FAT3: variants seen among roughly 807,000 people sequenced by gnomAD.
The protein encoded by FAT3 is protocadherin Fat 3.
FAT3 carries 95 observed loss-of-function variants against 310.2 expected under a neutral mutation model. That is an observed-to-expected ratio of 0.31 (90% CI 0.26 to 0.36). The LOEUF is 0.36. Among genes scored for constraint, FAT3 ranks in the 10% least tolerant of loss-of-function variants. The pLI is 1.00. For synonymous variants in FAT3, 2,314 were observed against 2,192.9 expected, an observed-to-expected ratio of 1.06 and a Z score of -1.54; for missense variants, 5,408 against 5,715.6, an observed-to-expected ratio of 0.95 and a Z score of 1.74.
Position 92,716,664 on chromosome 11 carries a change from A to G in FAT3, c.3669+19219A>G, listed in dbSNP as rs192859971. Among the ~76,000 whole-genome samples, 14 of 152,236 alleles carry G rather than the reference A, an allele frequency of 9.2e-5. 1 individual carries two copies. The highest frequency in any genetic ancestry group is 6.8e-3 in the Middle Eastern group (2 of 294). ...GTCCATATATTTTAATTTTCTTTTT[A>G]CTTGCATGTGTACTTGGGGTTGACA... is the stretch of plus-strand genomic sequence containing the variant. On this transcript the variant is annotated intron_variant, in intron 4 of 27. Transcript: ENST00000525166.
chr11:92,339,737 C>G (rs536657099), intron 1 of FAT3, among the ~76,000 whole-genome samples: 1 of 152,096 alleles, frequency 6.6e-6, no homozygotes, highest in Admixed American at 6.5e-5. Context: ...AATGTGCAGA[C>G]TCCTGAGGTG....
At chr11:92,227,522 G>A (rs1312719869) in intron 1 of FAT3, among the ~76,000 whole-genome samples, 1 of 152,124 alleles carries the variant, frequency 6.6e-6, no homozygotes, top group African/African-American at 2.4e-5. Context: ...TCTCAGTATC[G>A]ATCAAACAGA....
At chr11:92,561,630 A>G (rs1313669607) in intron 3 of FAT3, among the ~76,000 whole-genome samples, 1 of 151,658 alleles carries the variant, frequency 6.6e-6, no homozygotes, top group Non-Finnish European at 1.5e-5. Context: ...TTATTTATTT[A>G]TTTATTTATT....
Position 92,800,157 on chromosome 11 carries a change from A to G in FAT3, c.7144A>G (p.Ile2382Val), listed in dbSNP as rs1255412402. ...PSLSSEVLVH[I>V]YISDVNDNPP... ...ACTGAGCAGTGAGGTTCTCGTTCAT[A>G]TCTACATCTCTGATGTAAATGACAA... The change falls in exon 10 of 28, where the codon ATC becomes GTC. Residue 2382 changes from isoleucine (I) to valine (V), a missense_variant. This residue lies in a region of FAT3 where 4,588 missense variants were observed against 4,809.8 expected (regional missense o/e 0.95). Coordinates refer to ENST00000525166, the MANE Select transcript of FAT3 (RefSeq NM_001367949.2). The G allele has an allele frequency of 5.0e-6, 8 of 1,613,976 alleles. No homozygotes were observed. Among genetic ancestry groups the G allele is most frequent in the Middle Eastern group, 1.7e-4 (1 of 6,060 alleles).
At chr11:92,417,241 G>A (rs1280757143) in intron 2 of FAT3, among the ~76,000 whole-genome samples, 1 of 152,174 alleles carries the variant, frequency 6.6e-6, no homozygotes, top group Non-Finnish European at 1.5e-5. Context: ...GTGGGGAAGA[G>A]TTCACTGTCA....
intron 3 of FAT3, among the ~76,000 whole-genome samples, chr11:92,554,233 C>A (rs909290183): frequency 6.8e-6 from 1 of 147,298 alleles, no homozygotes; most frequent in Non-Finnish European, 1.5e-5. Flanking sequence ...GAGGCCGAGG[C>A]GGGCAGATCA....
chr11:92,444,659 TG>T lies in FAT3; in HGVS notation c.3293-79964del, dbSNP rs755778129. 5.0e-3 allele frequency among the ~76,000 whole-genome samples: 545 copies of T among 109,174 alleles called. 4 individuals are homozygous for T. Among genetic ancestry groups the T allele is most frequent in the African/African-American group, 0.018 (467 of 25,590 alleles). The allele number at this position is 109,174 out of a possible 152,430, so 71.6% of individuals were successfully genotyped here. ...CTTTAATGATATTAATGGATATTAC[TG>T]GGGGGGGGGGAAAACATACAGTTTA... On this transcript the variant is annotated intron_variant, in intron 2 of 27. Transcript: ENST00000525166.
At chr11:92,869,557 T>G (rs1949335325) in intron 22 of FAT3, among the ~76,000 whole-genome samples, 3 of 152,258 alleles carry the variant, frequency 2.0e-5, no homozygotes, top group Admixed American at 2.0e-4. Context: ...GAACCCATTT[T>G]CTTGCCCCTA....
chr11:92,868,543 T>G (rs140349773), intron 22 of FAT3, among the ~76,000 whole-genome samples: 12 of 152,306 alleles, frequency 7.9e-5, no homozygotes, highest in African/African-American at 2.9e-4. Context: ...AAAACAATTC[T>G]GCTAGTGTGA....
chr11:92,273,871 C>T (rs1946193157), intron 1 of FAT3, among the ~76,000 whole-genome samples: 1 of 152,074 alleles, frequency 6.6e-6, no homozygotes, highest in Non-Finnish European at 1.5e-5. Flanking sequence ...TGTACACTTG[C>T]TTGATTTGTA....
At chr11:92,694,596 G>A (rs1943886347) in intron 3 of FAT3, among the ~76,000 whole-genome samples, 2 of 152,150 alleles carry the variant, frequency 1.3e-5, no homozygotes, top group South Asian at 4.1e-4. Context: ...AGGAGAGGAA[G>A]CTGACCTCTT....
intron 3 of FAT3, among the ~76,000 whole-genome samples, chr11:92,615,238 A>C (rs927551995): frequency 2.6e-5 from 4 of 151,860 alleles, no homozygotes; most frequent in East Asian, 3.9e-4. Flanking sequence ...TTTTCTTCTT[A>C]TTATTTTTAT....
chr11:92,765,737 C>T (rs1331608978), intron 6 of FAT3, among the ~76,000 whole-genome samples: 3 of 151,062 alleles, frequency 2.0e-5, no homozygotes, highest in Non-Finnish European at 2.9e-5. Flanking sequence ...TTGCATTACT[C>T]GTATCCAATG....
chr11:92,766,403 G>A (rs1299540314), intron 6 of FAT3, among the ~76,000 whole-genome samples: 1 of 152,210 alleles, frequency 6.6e-6, no homozygotes, highest in Non-Finnish European at 1.5e-5. Context: ...TGCCTGGATA[G>A]GATGGGCAGG....
At chr11:92,357,686 CT>C (rs1233954660) in intron 2 of FAT3, among the ~76,000 whole-genome samples, 17 of 147,862 alleles carry the variant, frequency 1.1e-4, no homozygotes, top group Non-Finnish European at 1.6e-4. Flanking sequence ...AGGTTTTTTT[CT>C]TTTTTTTTTA....
chr11:92,448,335 T>G (rs1276600780), intron 2 of FAT3, among the ~76,000 whole-genome samples: 1 of 152,156 alleles, frequency 6.6e-6, no homozygotes, highest in Non-Finnish European at 1.5e-5. Flanking sequence ...CTTATGTGCA[T>G]TTCTATTTAA....
intron 4 of FAT3, among the ~76,000 whole-genome samples, chr11:92,718,597 C>T (rs183975562): frequency 6.6e-6 from 1 of 152,242 alleles, no homozygotes; most frequent in East Asian, 1.9e-4. Flanking sequence ...TAGTATATAG[C>T]ATCTGAAATT....
At position 92,843,997 on chromosome 11, in the gene FAT3, G is replaced by A. The variant is rs1322199510; in HGVS notation, c.10630G>A (p.Glu3544Lys). ...HTYIRVRVIE[E>K]STHKPTAIPL... is the part of the protein sequence containing the mutation. ...TTACATCCGCGTGCGAGTCATTGAGGAAAGCACCCACAAGCCCACAGCCAT... is the reference window on the plus strand; with the variant it reads ...TTACATCCGCGTGCGAGTCATTGAGAAAAGCACCCACAAGCCCACAGCCAT... Residue 3544 changes from glutamate (E) to lysine (K), a missense_variant, in exon 19 of 28, where the codon GAA (glutamate) becomes AAA (lysine). Physicochemically the swap from Glu to Lys is moderately conservative, Grantham distance 56 (BLOSUM62 1). This residue lies in a region of FAT3 where 4,588 missense variants were observed against 4,809.8 expected (regional missense o/e 0.95). Coordinates refer to ENST00000525166, the MANE Select transcript of FAT3 (RefSeq NM_001367949.2). 3 of 1,613,928 alleles carry A rather than the reference G, an allele frequency of 1.9e-6. No individual in the cohort carries two copies. The highest frequency in any genetic ancestry group is 1.7e-5 in the Admixed American group (1 of 60,018).
At chr11:92,461,163 G>A (rs1190341530) in intron 2 of FAT3, among the ~76,000 whole-genome samples, 1 of 152,084 alleles carries the variant, frequency 6.6e-6, no homozygotes, top group East Asian at 1.9e-4. Flanking sequence ...AACTCTTTGG[G>A]CAACCACTTA....
Sources: gnomAD v4.1 joint callset for allele counts (sites outside exome capture counted in the v4.1 genomes callset) on GRCh38, gnomAD v4.1.1 for gene constraint, gnomAD v4.1.1 regional missense constraint, MANE v1.5 for transcripts, NCBI Gene and HGNC (gene_info 2026-07-23, HGNC 2026-07-21) for gene names.